The following SEMA6D variants were observed in gnomAD, a reference collection of about 807,000 sequenced individuals.
SEMA6D encodes semaphorin-6D.
Under a neutral mutation model 106.6 loss-of-function variants are expected in SEMA6D, and 35 were observed. The observed-to-expected ratio is 0.33, with a 90% CI of 0.25 to 0.44. The LOEUF (loss-of-function observed/expected upper bound fraction) is 0.44. SEMA6D is among the 20% of genes least tolerant of loss of function. The probability of loss-of-function intolerance (pLI) is 1.00; values close to 1 mark genes in which losing one functional copy is unlikely to be tolerated. For synonymous variants in SEMA6D, 499 were observed against 487.7 expected, an observed-to-expected ratio of 1.02 and a Z score of -0.31; for missense variants, 1,185 against 1,345.9, an observed-to-expected ratio of 0.88 and a Z score of 1.87.
intron 3 of SEMA6D, among the ~76,000 whole-genome samples, chr15:47,582,437 G>A: frequency 6.6e-6 from 1 of 152,202 alleles, no homozygotes; most frequent in East Asian, 1.9e-4. Flanking sequence ...TTGACAATAG[G>A]CTAAATGCCA....
exon 1 of SEMA6D, chr15:47,184,330 G>C (rs1255185790): frequency 6.6e-6 from 1 of 152,352 alleles, no homozygotes; most frequent in Admixed American, 6.5e-5. Context: ...TCCCTGCTCT[G>C]CGCTGCGCCA....
chr15:47,470,077 G>A (rs1275146364), intron 2 of SEMA6D, among the ~76,000 whole-genome samples: 1 of 151,946 alleles, frequency 6.6e-6, no homozygotes, highest in African/African-American at 2.4e-5. Flanking sequence ...ACCCAAATTA[G>A]TTAAAAGAGA....
chr15:47,575,692 C>A (rs758440978), intron 3 of SEMA6D, among the ~76,000 whole-genome samples: 4 of 151,780 alleles, frequency 2.6e-5, no homozygotes, highest in Non-Finnish European at 4.4e-5. Flanking sequence ...GCACTCCAGC[C>A]TGGGTAACAG....
intron 4 of SEMA6D, among the ~76,000 whole-genome samples, chr15:47,700,638 G>T (rs1189020650): frequency 1.3e-5 from 2 of 152,118 alleles, no homozygotes; most frequent in South Asian, 2.1e-4. Flanking sequence ...GAAGGAGAAA[G>T]TATAGACTAG....
chr15:47,287,590 A>G (rs1032683646), intron 1 of SEMA6D, among the ~76,000 whole-genome samples: 1 of 152,102 alleles, frequency 6.6e-6, no homozygotes, highest in African/African-American at 2.4e-5. Flanking sequence ...ATACCTCAGA[A>G]TCAGCTCTGA....
At chr15:47,763,796 T>G in intron 9 of SEMA6D, 54 bp from the exon 10 acceptor site, 2 of 1,473,044 alleles carry the variant, frequency 1.4e-6, no homozygotes, top group Non-Finnish European at 1.9e-6. Context: ...TCATTTTGTT[T>G]CCATTCCTTT....
chr15:47,226,301 A>G (rs529049735), intron 1 of SEMA6D, among the ~76,000 whole-genome samples: 3 of 152,178 alleles, frequency 2.0e-5, no homozygotes, highest in South Asian at 2.1e-4. Context: ...TCTAGCCTCT[A>G]TAACTGTGAG....
intron 1 of SEMA6D, among the ~76,000 whole-genome samples, chr15:47,753,147 A>T (rs2081538018): frequency 6.6e-6 from 1 of 152,188 alleles, no homozygotes; most frequent in Non-Finnish European, 1.5e-5. Flanking sequence ...TAAGTAGCAG[A>T]GTGTGGAGAC....
chr15:47,351,468 C>T (rs2038323275), intron 1 of SEMA6D, among the ~76,000 whole-genome samples: 2 of 152,120 alleles, frequency 1.3e-5, no homozygotes, highest in Admixed American at 1.3e-4. Context: ...TATATTATCT[C>T]ATTTAATCTG....
intron 1 of SEMA6D, among the ~76,000 whole-genome samples, chr15:47,731,632 A>G (rs1328439872): frequency 1.3e-5 from 2 of 152,250 alleles, no homozygotes; most frequent in Non-Finnish European, 2.9e-5. Flanking sequence ...GAAGGCAGAT[A>G]AGTAACTTCC....
At chr15:47,244,341 C>T (rs894753774) in intron 1 of SEMA6D, among the ~76,000 whole-genome samples, 11 of 152,034 alleles carry the variant, frequency 7.2e-5, no homozygotes, top group Admixed American at 4.6e-4. Flanking sequence ...TCATCATCTG[C>T]GAAGAAGAAT....
intron 2 of SEMA6D, among the ~76,000 whole-genome samples, chr15:47,455,945 A>G (rs1028043162): frequency 2.0e-5 from 3 of 151,920 alleles, no homozygotes; most frequent in African/African-American, 4.8e-5. Flanking sequence ...CAAATTCTAT[A>G]GCTTCAGCCC....
intron 2 of SEMA6D, among the ~76,000 whole-genome samples, chr15:47,431,481 C>T (rs578142925): frequency 6.6e-6 from 1 of 152,062 alleles, no homozygotes; most frequent in Non-Finnish European, 1.5e-5. Context: ...CTCTCTGTAA[C>T]TCTTCCCACT....
intron 1 of SEMA6D, among the ~76,000 whole-genome samples, chr15:47,192,351 G>C (rs1211702726): frequency 6.6e-6 from 1 of 152,182 alleles, no homozygotes; most frequent in Non-Finnish European, 1.5e-5. Context: ...AATTTCAACA[G>C]TTGTATCTTA....
chr15:47,773,050 T>C lies in SEMA6D; in HGVS notation c.*1265T>C, dbSNP rs2082700340. 6.6e-6 allele frequency: 1 copy of C among 152,570 alleles called. No homozygotes were observed. The highest frequency in any genetic ancestry group is 1.5e-5 in the Non-Finnish European group (1 of 68,032). The allele number at this position is 152,570 out of a possible 1,614,324, so 9.5% of individuals were successfully genotyped here. A position where few individuals can be genotyped will look rare whatever the true frequency, so the allele number is the denominator to read the frequency against. On this transcript the variant is annotated 3_prime_UTR_variant, in exon 19 of 19. Transcript: ENST00000536845. ...GACAATATACTGTAAATACCACATG[T>C]GAGTTTACCTGAATCTGTGCATTTT...
At chr15:47,386,264 G>T (rs1367672884) in intron 1 of SEMA6D, among the ~76,000 whole-genome samples, 2 of 152,102 alleles carry the variant, frequency 1.3e-5, no homozygotes, top group Non-Finnish European at 2.9e-5. Context: ...CTTCCAACTG[G>T]GGGTAGGGAC....
intron 4 of SEMA6D, among the ~76,000 whole-genome samples, chr15:47,667,220 G>C (rs1237338466): frequency 2.0e-5 from 3 of 152,172 alleles, no homozygotes; most frequent in Non-Finnish European, 4.4e-5. Context: ...TTCTGGAATG[G>C]TTTGTTATAA....
At chr15:47,759,698 G>A (rs541465646) in intron 1 of SEMA6D, 47 bp from the exon 2 acceptor site, 25 of 832,798 alleles carry the variant, frequency 3.0e-5, no homozygotes, top group South Asian at 2.0e-4. Flanking sequence ...CAAGAAAACC[G>A]CTTCATTGCA....
chr15:47,436,766 A>T (rs1303998150), intron 2 of SEMA6D, among the ~76,000 whole-genome samples: 8 of 83,682 alleles, frequency 9.6e-5, no homozygotes, highest in African/African-American at 3.6e-4. Context: ...ATTAAAAAAA[A>T]AAATATATAT....
Sources: gnomAD v4.1 joint callset for allele counts (sites outside exome capture counted in the v4.1 genomes callset) on GRCh38, gnomAD v4.1.1 for gene constraint, MANE v1.5 for transcripts, NCBI Gene and HGNC (gene_info 2026-07-23, HGNC 2026-07-21) for gene names.